Variants in ARMC9 observed in about 807,000 individuals in gnomAD.
The protein encoded by ARMC9 is armadillo repeat containing 9, also known as lisH domain-containing protein ARMC9.
Under a neutral mutation model 107.0 loss-of-function variants are expected in ARMC9, and 94 were observed. The observed-to-expected ratio is 0.88, with a 90% CI of 0.74 to 1.04. ARMC9 has a LOEUF of 1.04. Among genes scored for constraint, ARMC9 ranks in the 50% least tolerant of loss-of-function variants. The pLI is 0.00. For missense variants in ARMC9, 942 were observed against 1,030.1 expected, an observed-to-expected ratio of 0.91 and a Z score of 1.17; for synonymous variants, 380 against 396.9, an observed-to-expected ratio of 0.96 and a Z score of 0.51.
chr2:231,319,767 G>A (rs921322619), intron 19 of ARMC9, among the ~76,000 whole-genome samples: 1 of 152,144 alleles, frequency 6.6e-6, no homozygotes, highest in South Asian at 2.1e-4. Context: ...CCTGCATGTG[G>A]CCACCAGACC....
Position 231,291,355 on chromosome 2 carries a change from A to G in ARMC9, c.1629A>G (p.Gly543=), listed in dbSNP as rs2040976245. The change falls in exon 18 of 25, where the codon GGA becomes GGG. Residue 543 remains glycine (G), a splice_region_variant and synonymous_variant. Coordinates refer to ENST00000611582, the MANE Select transcript of ARMC9 (RefSeq NM_001352754.2). ...PSIREEARAM[G]MEDILRCFIK... Reference sequence around the variant, plus strand: ...ATTACTTTCGCCAATACTTCTAGGGAATGGAAGACATCCTACGCTGCTTCA... The same window carrying G: ...ATTACTTTCGCCAATACTTCTAGGGGATGGAAGACATCCTACGCTGCTTCA... 2 of 1,613,000 alleles carry G rather than the reference A, an allele frequency of 1.2e-6. No homozygotes were observed. Among genetic ancestry groups the G allele is most frequent in the African/African-American group, 1.3e-5 (1 of 74,916 alleles).
At chr2:231,219,143 CT>C (rs147014769) in intron 5 of ARMC9, among the ~76,000 whole-genome samples, 44,292 of 147,554 alleles carry the variant, frequency 0.3, 6,855 homozygotes, top group African/African-American at 0.4. Context: ...AATTTATGTC[CT>C]TTTTTTTTTT....
chr2:231,204,272 C>T (rs1156980836), intron 1 of ARMC9, among the ~76,000 whole-genome samples: 1 of 152,040 alleles, frequency 6.6e-6, no homozygotes, highest in Non-Finnish European at 1.5e-5. Context: ...ATGTCCAAGC[C>T]ACTTACCAGC....
chr2:231,328,631 T>C (rs2043493272), intron 19 of ARMC9, among the ~76,000 whole-genome samples: 1 of 152,016 alleles, frequency 6.6e-6, no homozygotes, highest in South Asian at 2.1e-4. Flanking sequence ...TAAAACCCAC[T>C]GGACATATTT....
chr2:231,209,255 C>T (rs978218876), intron 3 of ARMC9, among the ~76,000 whole-genome samples: 4 of 152,068 alleles, frequency 2.6e-5, no homozygotes, highest in Non-Finnish European at 2.9e-5. Context: ...GTGGCATGCA[C>T]CTGTAGTCCC....
intron 5 of ARMC9, among the ~76,000 whole-genome samples, chr2:231,218,488 A>C (rs1193895648): frequency 6.6e-6 from 1 of 152,188 alleles, no homozygotes; most frequent in Non-Finnish European, 1.5e-5. Context: ...ATTCTGGCAT[A>C]GTGGCATAGA....
At chr2:231,267,703 C>G (rs1310671336) in intron 12 of ARMC9, among the ~76,000 whole-genome samples, 1 of 152,222 alleles carries the variant, frequency 6.6e-6, no homozygotes, top group Non-Finnish European at 1.5e-5. Flanking sequence ...GGAGCTAGAA[C>G]TTCACTAGCA....
Position 231,249,537 on chromosome 2 carries a change from G to T in ARMC9, c.880-7049G>T, listed in dbSNP as rs147269829. 2.2e-3 allele frequency among the ~76,000 whole-genome samples: 335 copies of T among 152,214 alleles called. 3 individuals are homozygous for T. The highest frequency in any genetic ancestry group is 3.9e-3 in the Non-Finnish European group (268 of 68,004). ...CTGACACCAGCTAGGGAGAGCAGCT[G>T]CTCTGGGAGGCAGGCCCCAGGTCTT... On this transcript the variant is annotated intron_variant, in intron 9 of 24. Coordinates refer to ENST00000611582, the MANE Select transcript of ARMC9 (RefSeq NM_001352754.2).
intron 20 of ARMC9, among the ~76,000 whole-genome samples, chr2:231,335,330 C>T (rs1280867007): frequency 2.6e-5 from 4 of 152,242 alleles, no homozygotes; most frequent in Admixed American, 6.5e-5. Context: ...TCATGGTGCA[C>T]GCCAGTAATT....
At chr2:231,357,714 A>G in intron 22 of ARMC9, among the ~76,000 whole-genome samples, 1 of 152,168 alleles carries the variant, frequency 6.6e-6, no homozygotes, top group Non-Finnish European at 1.5e-5. Context: ...CTGGCACTAC[A>G]GATGCACCAC....
chr2:231,224,218 G>A (rs186611282), intron 6 of ARMC9, among the ~76,000 whole-genome samples: 38 of 152,330 alleles, frequency 2.5e-4, no homozygotes, highest in Non-Finnish European at 4.1e-4. Flanking sequence ...AGGCTAAGGC[G>A]GGAGGATCAC....
chr2:231,245,387 T>C (rs887133541), intron 9 of ARMC9, among the ~76,000 whole-genome samples: 27 of 152,230 alleles, frequency 1.8e-4, no homozygotes, highest in African/African-American at 6.5e-4. Context: ...AGGCTGTTCC[T>C]GGATGACAGT....
intron 19 of ARMC9, among the ~76,000 whole-genome samples, chr2:231,324,028 G>A (rs2043147822): frequency 1.3e-5 from 2 of 151,998 alleles, no homozygotes; most frequent in South Asian, 4.1e-4. Context: ...TTTTATTAAT[G>A]GGTAGCAAAT....
In ARMC9 at chr2:231,358,721, C is replaced by A. The variant is rs151049501; in HGVS notation, c.2132-2033C>A. On this transcript the variant is annotated intron_variant, in intron 22 of 24. Coordinates refer to ENST00000611582, the MANE Select transcript of ARMC9 (RefSeq NM_001352754.2). This position sits in a 1 kb window ranked among gnomAD's most constrained non-coding sequence, Gnocchi z 4.5. ...CGCAGGGAAAACTCATGAGGAGGAACCTGTTGGACCCTCAAACTGCTTGAT... is the reference window on the plus strand; with the variant it reads ...CGCAGGGAAAACTCATGAGGAGGAAACTGTTGGACCCTCAAACTGCTTGAT... 1.5e-3 allele frequency among the ~76,000 whole-genome samples: 227 copies of A among 152,304 alleles called. No individual in the cohort carries two copies. Among genetic ancestry groups the A allele is most frequent in the African/African-American group, 5.0e-3 (206 of 41,552 alleles).
In ARMC9 at chr2:231,372,743, TGTGTGTGTGTGTATGA is replaced by T. The variant is rs1485390467; in HGVS notation, c.*1213_*1228del. On this transcript the variant is annotated 3_prime_UTR_variant, in exon 25 of 25. Transcript: ENST00000611582. ...GTGTGTGTGTGTGTGTGTGTGTGTG[TGTGTGTGTGTGTATGA>T]GTGTATGAAGGGAAATGGAAAGCAG... is the stretch of plus-strand genomic sequence containing the variant. The T allele has an allele frequency of 3.0e-5, 3 of 101,608 alleles. No individual in the cohort carries two copies. Among genetic ancestry groups the T allele is most frequent in the African/African-American group, 1.1e-4 (1 of 9,080 alleles). The allele number at this position is 101,608 out of a possible 1,614,324, so 6.3% of individuals were successfully genotyped here. A position where few individuals can be genotyped will look rare whatever the true frequency, so the allele number is the denominator to read the frequency against.
intron 19 of ARMC9, among the ~76,000 whole-genome samples, chr2:231,323,929 A>G (rs983589737): frequency 2.6e-5 from 4 of 152,100 alleles, no homozygotes; most frequent in African/African-American, 9.7e-5. Flanking sequence ...GCGGAAGCCA[A>G]CTGTCCCTGT....
At chr2:231,352,718 GTAGA>G (rs1456087299) in intron 21 of ARMC9, among the ~76,000 whole-genome samples, 15 of 151,522 alleles carry the variant, frequency 9.9e-5, no homozygotes, top group East Asian at 9.6e-4. Context: ...TGATAGGTAG[GTAGA>G]TAGATGGATA....
At chr2:231,361,541 C>G (rs773061319) in intron 23 of ARMC9, among the ~76,000 whole-genome samples, 1 of 151,382 alleles carries the variant, frequency 6.6e-6, no homozygotes, top group East Asian at 1.9e-4. Context: ...CACTGTGCCA[C>G]GTGAGCACAG....
intron 17 of ARMC9, among the ~76,000 whole-genome samples, chr2:231,284,437 T>C (rs550574300): frequency 6.6e-6 from 1 of 152,344 alleles, no homozygotes; most frequent in Non-Finnish European, 1.5e-5. Flanking sequence ...TAAGAGTTGC[T>C]CAGTTTATAG....
Sources: gnomAD v4.1 joint callset for allele counts (sites outside exome capture counted in the v4.1 genomes callset) on GRCh38, gnomAD v4.1.1 for gene constraint, Gnocchi (gnomAD v3.1) non-coding constraint, MANE v1.5 for transcripts, NCBI Gene and HGNC (gene_info 2026-07-23, HGNC 2026-07-21) for gene names.